The following NPAS3 variants were observed in gnomAD, a reference collection of about 807,000 sequenced individuals.
NPAS3 encodes the protein neuronal PAS domain protein 3.
A neutral mutation model predicts 73.1 loss-of-function variants in NPAS3; 14 were observed. The observed-to-expected ratio is 0.19, with a 90% confidence interval of 0.13 to 0.30. The LOEUF (loss-of-function observed/expected upper bound fraction) is 0.30, where lower values mean the gene tolerates loss of function less well. NPAS3 is among the 10% of genes least tolerant of loss of function. The pLI is 1.00. For synonymous variants in NPAS3, 620 were observed against 541.5 expected (o/e 1.14, Z -2.01); for missense variants, 1,096 against 1,250.0 (o/e 0.88, Z 1.86).
At chr14:32,948,066 TC>T (rs2139116498) in intron 1 of NPAS3, among the ~76,000 whole-genome samples, 1 of 152,264 alleles carries the variant, frequency 6.6e-6, no homozygotes, top group Non-Finnish European at 1.5e-5. Context: ...AAAGTGCTCT[TC>T]ATTTAAACAG....
intron 6 of NPAS3, among the ~76,000 whole-genome samples, chr14:33,694,838 TC>T (rs2060330349): frequency 6.6e-6 from 1 of 152,248 alleles, no homozygotes; most frequent in Non-Finnish European, 1.5e-5. Context: ...ACATCACCTT[TC>T]TACGTGACCC....
intron 4 of NPAS3, among the ~76,000 whole-genome samples, chr14:33,506,159 T>G (rs1317682384): frequency 6.6e-6 from 1 of 152,002 alleles, no homozygotes; most frequent in East Asian, 1.9e-4. Context: ...ATACATTTAT[T>G]TACTTGTTCG....
At chr14:33,729,978 A>T (rs2140610620) in intron 6 of NPAS3, among the ~76,000 whole-genome samples, 1 of 152,316 alleles carries the variant, frequency 6.6e-6, no homozygotes, top group South Asian at 2.1e-4. Context: ...CTAGGTTGGG[A>T]AGATCTTATT....
At chr14:33,064,181 T>C (rs991007002) in intron 2 of NPAS3, among the ~76,000 whole-genome samples, 8 of 152,192 alleles carry the variant, frequency 5.3e-5, no homozygotes, top group African/African-American at 1.9e-4. Context: ...TTAAAAAGTA[T>C]AATTTTCCTT....
At chr14:33,324,972 C>T (rs556046394) in intron 3 of NPAS3, among the ~76,000 whole-genome samples, 2 of 152,050 alleles carry the variant, frequency 1.3e-5, no homozygotes, top group East Asian at 1.9e-4. Flanking sequence ...GGGGTTGTGC[C>T]GTGTTAGTTA....
At chr14:33,727,606 A>C (rs1003460061) in intron 6 of NPAS3, among the ~76,000 whole-genome samples, 1 of 151,916 alleles carries the variant, frequency 6.6e-6, no homozygotes, top group African/African-American at 2.4e-5. Context: ...GATGTTTGTC[A>C]TTAAAAAAAA....
chr14:33,466,857 C>A (rs1365153959), intron 4 of NPAS3, among the ~76,000 whole-genome samples: 1 of 152,180 alleles, frequency 6.6e-6, no homozygotes, highest in Non-Finnish European at 1.5e-5. Context: ...GATCCAGTCA[C>A]CTCCTACAGG....
intron 1 of NPAS3, among the ~76,000 whole-genome samples, chr14:32,987,276 C>G (rs1264311920): frequency 6.8e-6 from 1 of 146,190 alleles, no homozygotes; most frequent in Admixed American, 6.8e-5. Context: ...TCCCTTCTCT[C>G]CCTCTCTCTC....
intron 4 of NPAS3, among the ~76,000 whole-genome samples, chr14:33,508,056 A>G (rs889202116): frequency 1.3e-5 from 2 of 151,994 alleles, no homozygotes; most frequent in African/African-American, 4.8e-5. Context: ...AAAGTTTGCT[A>G]AGGTGCCATT....
intron 3 of NPAS3, among the ~76,000 whole-genome samples, chr14:33,264,198 C>T (rs1313207221): frequency 1.3e-5 from 2 of 151,862 alleles, no homozygotes; most frequent in African/African-American, 4.8e-5. Flanking sequence ...CGCATGTTCT[C>T]ACTCATAGGT....
intron 1 of NPAS3, among the ~76,000 whole-genome samples, chr14:32,994,440 T>A (rs1016345896): frequency 5.9e-5 from 9 of 152,160 alleles, no homozygotes; most frequent in African/African-American, 2.2e-4. Context: ...ACTGAACTTT[T>A]GTAAATTTTA....
At chr14:33,713,140 A>C (rs1802507398) in intron 6 of NPAS3, among the ~76,000 whole-genome samples, 1 of 152,170 alleles carries the variant, frequency 6.6e-6, no homozygotes, top group Non-Finnish European at 1.5e-5. Flanking sequence ...TTTATCATCT[A>C]CTATCTGCCA....
intron 2 of NPAS3, among the ~76,000 whole-genome samples, chr14:33,144,765 C>T (rs59793607): frequency 0.034 from 5,133 of 152,058 alleles, 313 homozygotes; most frequent in African/African-American, 0.12. Flanking sequence ...TTTTAATTTT[C>T]ATTTTTTGTA....
At chr14:33,524,007 C>A (rs1313123220) in intron 4 of NPAS3, among the ~76,000 whole-genome samples, 2 of 152,044 alleles carry the variant, frequency 1.3e-5, no homozygotes, top group Non-Finnish European at 2.9e-5. Flanking sequence ...ATATAATAGC[C>A]AAAAATAACT....
chr14:33,327,151 C>A (rs2043745452), intron 3 of NPAS3, among the ~76,000 whole-genome samples: 1 of 152,154 alleles, frequency 6.6e-6, no homozygotes, highest in Non-Finnish European at 1.5e-5. Flanking sequence ...AGCTTGCTAA[C>A]AGCTGGTTTT....
At chr14:33,126,514 C>T (rs2043431648) in intron 2 of NPAS3, among the ~76,000 whole-genome samples, 1 of 151,990 alleles carries the variant, frequency 6.6e-6, no homozygotes, top group South Asian at 2.1e-4. Context: ...TGTGGAGGTG[C>T]CTAATCCAGG....
chr14:32,977,195 T>C (rs2037715789), intron 1 of NPAS3, among the ~76,000 whole-genome samples: 1 of 152,108 alleles, frequency 6.6e-6, no homozygotes, highest in Non-Finnish European at 1.5e-5. Flanking sequence ...TCATTTTCCG[T>C]ATTTTGGAGC....
intron 2 of NPAS3, among the ~76,000 whole-genome samples, chr14:33,092,587 ATAACTTTC>A (rs1196290070): frequency 1.3e-5 from 2 of 152,228 alleles, no homozygotes; most frequent in African/African-American, 4.8e-5. Flanking sequence ...CAAGCTACCA[ATAACTTTC>A]TTCACAGAAT....
chr14:33,360,806 T>C (rs1231591904), intron 3 of NPAS3, among the ~76,000 whole-genome samples: 1 of 152,188 alleles, frequency 6.6e-6, no homozygotes, highest in Non-Finnish European at 1.5e-5. Context: ...CAGGACCCCT[T>C]GCATCTCTTG....
Sources: gnomAD v4.1 joint callset for allele counts (sites outside exome capture counted in the v4.1 genomes callset) on GRCh38, gnomAD v4.1.1 for gene constraint, MANE v1.5 for transcripts, NCBI Gene and HGNC (gene_info 2026-07-23, HGNC 2026-07-21) for gene names.